EPHB2: variants seen among roughly 807,000 people sequenced by gnomAD.
EPHB2 encodes ephrin type-B receptor 2.
Under a neutral mutation model 96.4 loss-of-function variants are expected in EPHB2, and 18 were observed. The ratio of observed to expected loss-of-function variants is 0.19; its 90% CI spans 0.13 to 0.28. The LOEUF (loss-of-function observed/expected upper bound fraction) is 0.28. Ranked by LOEUF, EPHB2 falls within the 10% of genes least tolerant of loss-of-function variation. The pLI is 1.00. For missense variants in EPHB2, 989 were observed against 1,355.4 expected, an observed-to-expected ratio of 0.73 and a Z score of 4.25; for synonymous variants, 506 against 534.1, an observed-to-expected ratio of 0.95 and a Z score of 0.72.
chr1:22,788,309 T>C (rs1480269756), intron 3 of EPHB2, among the ~76,000 whole-genome samples: 1 of 152,178 alleles, frequency 6.6e-6, no homozygotes, highest in East Asian at 1.9e-4. Flanking sequence ...CCTTCCACTC[T>C]CATCTTCCCC....
chr1:22,830,745 T>C lies in EPHB2; in HGVS notation c.812-32292T>C, dbSNP rs142249726. ...GCTCATTTTGTATTTTTAGTAGAGATGGGGTTTCACCATCTTGGCCAGGCT... is the reference window on the plus strand; with the variant it reads ...GCTCATTTTGTATTTTTAGTAGAGACGGGGTTTCACCATCTTGGCCAGGCT... On this transcript the variant is annotated intron_variant, in intron 3 of 15. Transcript: ENST00000374630. 3.7e-3 allele frequency among the ~76,000 whole-genome samples: 561 copies of C among 152,114 alleles called. 3 individuals are homozygous for C. The highest frequency in any genetic ancestry group is 0.013 in the African/African-American group (534 of 41,520).
chr1:22,765,271 G>A (rs544130189), intron 1 of EPHB2, among the ~76,000 whole-genome samples: 5 of 152,122 alleles, frequency 3.3e-5, no homozygotes, highest in Non-Finnish European at 7.4e-5. Flanking sequence ...GTCTAGCCGG[G>A]TGCAGTGGTT....
At position 22,784,575 on chromosome 1, in the gene EPHB2, C is replaced by T. The variant is rs2148424111; in HGVS notation, c.310C>T (p.Pro104Ser). ...VRDCSSIPSV[P>S]GSCKETFNLY... is the part of the protein sequence containing the mutation. ...TGACTGCAGCAGCATCCCCAGCGTGCCTGGCTCCTGCAAGGAGACCTTCAA... is the reference window on the plus strand; with the variant it reads ...TGACTGCAGCAGCATCCCCAGCGTGTCTGGCTCCTGCAAGGAGACCTTCAA... Residue 104 changes from proline to serine, a missense_variant, in exon 3 of 16, where the codon CCT becomes TCT. Coordinates refer to ENST00000374630, the MANE Select transcript of EPHB2 (RefSeq NM_017449.5). This position sits in a 1 kb window ranked among gnomAD's most constrained non-coding sequence, Gnocchi z 5.1. The T allele has an allele frequency of 6.2e-7, 1 of 1,614,174 alleles. No individual in the cohort carries two copies. Among genetic ancestry groups the T allele is most frequent in the South Asian group, 1.1e-5 (1 of 91,076 alleles).
chr1:22,857,902 C>T (rs1012255598), intron 3 of EPHB2, among the ~76,000 whole-genome samples: 4 of 152,180 alleles, frequency 2.6e-5, no homozygotes, highest in Non-Finnish European at 5.9e-5. Flanking sequence ...CCCGGCTCCT[C>T]CTCCCCTTTC....
At chr1:22,779,507 C>T (rs1391619231) in intron 1 of EPHB2, among the ~76,000 whole-genome samples, 2 of 152,226 alleles carry the variant, frequency 1.3e-5, no homozygotes, top group African/African-American at 4.8e-5. Flanking sequence ...TCCCCTCCAC[C>T]CCTGCCATAG....
chr1:22,912,887 C>T lies in EPHB2; in HGVS notation c.2852+288C>T, dbSNP rs75037769. ...AAGGTTGAGGGAGATATAAAGGAAG[C>T]GGGTGCTTAGAAAATGCAAGCTGGC... On this transcript the variant is annotated intron_variant, in intron 15 of 15. Coordinates refer to ENST00000374630, the MANE Select transcript of EPHB2 (RefSeq NM_017449.5). 2.9e-3 allele frequency: 1,261 copies of T among 434,802 alleles called. 17 individuals are homozygous for T. The highest frequency in any genetic ancestry group is 0.021 in the African/African-American group (1,057 of 49,764). The allele number at this position is 434,802 out of a possible 1,614,324, so 26.9% of individuals were successfully genotyped here. A position where few individuals can be genotyped will look rare whatever the true frequency, so the allele number is the denominator to read the frequency against.
intron 1 of EPHB2, among the ~76,000 whole-genome samples, chr1:22,754,629 G>A (rs551426647): frequency 5.6e-4 from 85 of 151,224 alleles, no homozygotes; most frequent in African/African-American, 2.0e-3. Flanking sequence ...GGCCTGGTAC[G>A]GGGCCATGGA....
Position 22,906,782 on chromosome 1 carries a change from C to T in EPHB2, c.1961C>T (p.Thr654Met), listed in dbSNP as rs1639930606. 4 of 1,614,084 alleles carry T rather than the reference C, an allele frequency of 2.5e-6. No individual in the cohort carries two copies. The highest frequency in any genetic ancestry group is 1.3e-5 in the African/African-American group (1 of 74,942). ...GKREIFVAIK[T>M]LKSGYTEKQR... ...AGAGAGATCTTTGTGGCCATCAAGA[C>T]GCTCAAGTCGGGCTACACGGAGAAG... The change falls in exon 11 of 16, where the codon ACG (threonine) becomes ATG (methionine). Residue 654 changes from threonine (T) to methionine (M), a missense_variant. By Grantham distance (81) the Thr-to-Met change is moderately conservative (BLOSUM62 -1). Coordinates refer to ENST00000374630, the MANE Select transcript of EPHB2 (RefSeq NM_017449.5). The surrounding 1 kb of genome is among the most constrained non-coding windows in gnomAD (Gnocchi z 4.8).
chr1:22,864,851 T>A, intron 4 of EPHB2, 26 bp from the exon 5 acceptor site: 3 of 1,457,442 alleles, frequency 2.1e-6, no homozygotes, highest in Admixed American at 1.8e-5. Flanking sequence ...AGCCCCCCAC[T>A]GACCAACACC....
intron 5 of EPHB2, among the ~76,000 whole-genome samples, chr1:22,871,234 A>G (rs539083228): frequency 2.8e-4 from 42 of 152,322 alleles, no homozygotes; most frequent in African/African-American, 9.1e-4. Flanking sequence ...CTGCATCCTC[A>G]GGGCCCAATG....
intron 3 of EPHB2, among the ~76,000 whole-genome samples, chr1:22,830,601 A>G (rs960474154): frequency 1.5e-4 from 23 of 152,322 alleles, no homozygotes; most frequent in African/African-American, 5.1e-4. Flanking sequence ...AGTCTTGCCC[A>G]GACTAGATTG....
chr1:22,835,008 G>T (rs889073190), intron 3 of EPHB2, among the ~76,000 whole-genome samples: 1 of 152,192 alleles, frequency 6.6e-6, no homozygotes, highest in Admixed American at 6.5e-5. Context: ...AATACCATTT[G>T]CCTTGCCAGG....
chr1:22,712,510 C>T (rs1003822714), intron 1 of EPHB2, among the ~76,000 whole-genome samples: 1 of 152,114 alleles, frequency 6.6e-6, no homozygotes, highest in African/African-American at 2.4e-5. Flanking sequence ...GGAAAGGCGT[C>T]GTGGGGGACC....
intron 1 of EPHB2, among the ~76,000 whole-genome samples, chr1:22,731,860 A>G (rs533270379): frequency 3.3e-5 from 5 of 152,260 alleles, no homozygotes; most frequent in African/African-American, 1.2e-4. Context: ...AAACAACAAC[A>G]ACAAAATCAT....
intron 3 of EPHB2, among the ~76,000 whole-genome samples, chr1:22,794,011 T>C (rs547937239): frequency 2.8e-4 from 43 of 152,266 alleles, no homozygotes; most frequent in African/African-American, 1.0e-3. Context: ...CACATGGTCA[T>C]TGAGTCCCAA....
At chr1:22,876,905 C>T (rs1296600422) in intron 5 of EPHB2, among the ~76,000 whole-genome samples, 2 of 152,216 alleles carry the variant, frequency 1.3e-5, no homozygotes, top group Non-Finnish European at 2.9e-5. Flanking sequence ...GATCAGAGCC[C>T]AGGTTAGCTG....
chr1:22,895,460 C>T lies in EPHB2; in HGVS notation c.1592-12C>T. 6.2e-7 allele frequency: 1 copy of T among 1,613,974 alleles called. No individual in the cohort carries two copies. The highest frequency in any genetic ancestry group is 8.5e-7 in the Non-Finnish European group (1 of 1,179,804). ...GCCAGGCTGAGAATGCCCTACCATG[C>T]TTTCTCCCCAGCCGAGTACCAGACA... On this transcript the variant is annotated splice_polypyrimidine_tract_variant and intron_variant, in intron 7 of 15. Transcript: ENST00000374630.
At chr1:22,768,834 A>G (rs1204059306) in intron 1 of EPHB2, among the ~76,000 whole-genome samples, 1 of 151,522 alleles carries the variant, frequency 6.6e-6, no homozygotes, top group Non-Finnish European at 1.5e-5. Context: ...TCTGCCCGAG[A>G]CACCTTTTCC....
In EPHB2 at chr1:22,790,916, G is replaced by A. The variant is rs552044682; in HGVS notation, c.811+5840G>A. Among the ~76,000 whole-genome samples, 1 of 152,196 alleles carries A rather than the reference G, an allele frequency of 6.6e-6. No individual in the cohort carries two copies. Among genetic ancestry groups the A allele is most frequent in the African/African-American group, 2.4e-5 (1 of 41,524 alleles). On this transcript the variant is annotated intron_variant, in intron 3 of 15. Transcript: ENST00000374630. The surrounding 1 kb of genome is among the most constrained non-coding windows in gnomAD (Gnocchi z 4.0). ...CCAGCCTCTCCCTCTTGTCTGCCCT[G>A]CCCTGCTGTGCAGCCCCTGCTCTCT...
Sources: allele counts gnomAD v4.1 joint callset (sites outside exome capture counted in the v4.1 genomes callset), GRCh38; gene constraint gnomAD v4.1.1; non-coding constraint Gnocchi (gnomAD v3.1); transcripts MANE v1.5; gene names NCBI Gene and HGNC (gene_info 2026-07-23, HGNC 2026-07-21).